Variants in TCF12 observed in about 807,000 individuals in gnomAD.
TCF12 encodes DNA-binding protein HTF4.
Under a neutral mutation model 86.0 loss-of-function variants are expected in TCF12, and 45 were observed. That is an observed-to-expected ratio of 0.52 (90% CI 0.41 to 0.67). The LOEUF (loss-of-function observed/expected upper bound fraction) is 0.67. Among genes scored for constraint, TCF12 ranks in the 30% least tolerant of loss-of-function variants. The pLI, the probability that TCF12 is intolerant of heterozygous loss-of-function variation, is 0.00. For missense variants in TCF12, 881 were observed against 859.9 expected, an observed-to-expected ratio of 1.02 and a Z score of -0.31; for synonymous variants, 330 against 299.6, an observed-to-expected ratio of 1.10 and a Z score of -1.05.
At chr15:57,175,352 T>C (rs2055834018) in intron 6 of TCF12, among the ~76,000 whole-genome samples, 1 of 152,112 alleles carries the variant, frequency 6.6e-6, no homozygotes, top group Non-Finnish European at 1.5e-5. Context: ...AGCGAGATCT[T>C]GTGTCTTAAA....
At chr15:57,118,211 T>C (rs2050975400) in intron 5 of TCF12, 1 of 152,218 alleles carries the variant, frequency 6.6e-6, no homozygotes, top group Admixed American at 6.5e-5. Context: ...GGCAGTGATA[T>C]ACAGCAAACG....
intron 6 of TCF12, among the ~76,000 whole-genome samples, chr15:57,180,990 A>C (rs1233589482): frequency 2.0e-5 from 3 of 150,996 alleles, no homozygotes; most frequent in Non-Finnish European, 4.4e-5. Flanking sequence ...AATTTTTTGT[A>C]TTTTTAGTGG....
chr15:56,961,592 T>C (rs957260934), intron 3 of TCF12, among the ~76,000 whole-genome samples: 1 of 152,220 alleles, frequency 6.6e-6, no homozygotes, highest in Non-Finnish European at 1.5e-5. Context: ...TTTTTGAGGC[T>C]TGTATTAGTA....
chr15:56,952,189 T>TAC (rs58480587), intron 3 of TCF12, among the ~76,000 whole-genome samples: 85,984 of 150,256 alleles, frequency 0.57, 28,306 homozygotes, highest in Non-Finnish European at 0.75. Context: ...TTTGTGTATA[T>TAC]ACACACACAC....
chr15:57,029,871 A>G (rs1358943419), intron 3 of TCF12, among the ~76,000 whole-genome samples: 2 of 152,212 alleles, frequency 1.3e-5, no homozygotes, highest in African/African-American at 4.8e-5. Flanking sequence ...CACTAAGCAT[A>G]ATTACATGTG....
At chr15:57,025,842 TG>T (rs1347663767) in intron 3 of TCF12, among the ~76,000 whole-genome samples, 1 of 152,222 alleles carries the variant, frequency 6.6e-6, no homozygotes, top group Non-Finnish European at 1.5e-5. Flanking sequence ...TAGATGGTAG[TG>T]GTTCCTTTGT....
chr15:57,180,659 AAC>A (rs1426033751), intron 6 of TCF12, among the ~76,000 whole-genome samples: 1 of 136,634 alleles, frequency 7.3e-6, no homozygotes, highest in Non-Finnish European at 1.7e-5. Flanking sequence ...GTAGAATAAT[AAC>A]ACAGCAGAGG....
intron 5 of TCF12, among the ~76,000 whole-genome samples, chr15:57,105,599 A>G (rs1306914656): frequency 6.6e-6 from 1 of 152,078 alleles, no homozygotes; most frequent in South Asian, 2.1e-4. Context: ...TTTAGTAGAT[A>G]CAGGGGTTCA....
chr15:56,966,441 A>G (rs1385564593), intron 3 of TCF12, among the ~76,000 whole-genome samples: 3 of 152,240 alleles, frequency 2.0e-5, no homozygotes, highest in African/African-American at 7.2e-5. Flanking sequence ...AAGATTAATA[A>G]GGTAGCTAAG....
At chr15:57,123,982 A>AAAAAAAAAAAAAAAAAT (rs1555511574) in intron 5 of TCF12, among the ~76,000 whole-genome samples, 2 of 111,264 alleles carry the variant, frequency 1.8e-5, no homozygotes, top group African/African-American at 3.0e-5. Context: ...AAAAAAAAAA[A>AAAAAAAAAAAAAAAAAT]TTTTTTTTTT....
At chr15:57,084,399 G>C (rs2048496711) in intron 4 of TCF12, among the ~76,000 whole-genome samples, 1 of 152,056 alleles carries the variant, frequency 6.6e-6, no homozygotes, top group African/African-American at 2.4e-5. Context: ...GAGTGCTAGT[G>C]GTACTACAAA....
chr15:57,129,168 G>C lies in TCF12; in HGVS notation c.326-37234G>C, dbSNP rs150249042. 1.9e-3 allele frequency among the ~76,000 whole-genome samples: 293 copies of C among 152,312 alleles called. 3 individuals carry two copies. Among genetic ancestry groups the C allele is most frequent in the African/African-American group, 2.3e-3 (95 of 41,574 alleles). On this transcript the variant is annotated intron_variant, in intron 5 of 20. Coordinates refer to ENST00000333725, the MANE Select transcript of TCF12 (RefSeq NM_207037.2). ...CCATCAGCAACTTATGAAGGTTCCA[G>C]TTTCTTCACATCTTTGCCAACATGC...
chr15:57,208,961 C>T (rs2057987491), intron 8 of TCF12, among the ~76,000 whole-genome samples: 1 of 152,182 alleles, frequency 6.6e-6, no homozygotes, highest in African/African-American at 2.4e-5. Flanking sequence ...AGTGATCCTC[C>T]CATCTTGGCC....
chr15:57,158,584 A>T (rs547873067), intron 5 of TCF12, among the ~76,000 whole-genome samples: 1 of 152,258 alleles, frequency 6.6e-6, no homozygotes, highest in Admixed American at 6.5e-5. Flanking sequence ...TGCCAGAATT[A>T]TTGATTGGGA....
intron 18 of TCF12, among the ~76,000 whole-genome samples, chr15:57,264,562 A>T (rs1180414601): frequency 6.6e-6 from 1 of 151,822 alleles, no homozygotes; most frequent in African/African-American, 2.4e-5. Flanking sequence ...TTACTTTTCA[A>T]ACTTTTTTGT....
At chr15:57,043,887 T>C (rs1308781341) in intron 3 of TCF12, among the ~76,000 whole-genome samples, 1 of 152,160 alleles carries the variant, frequency 6.6e-6, no homozygotes, top group Non-Finnish European at 1.5e-5. Context: ...TTATTAGTTT[T>C]CTAGTTCCCT....
intron 6 of TCF12, among the ~76,000 whole-genome samples, chr15:57,172,550 C>T (rs1224818778): frequency 6.6e-6 from 1 of 152,122 alleles, no homozygotes; most frequent in East Asian, 1.9e-4. Context: ...GTTCTCTGGA[C>T]ACAAAAGACT....
chr15:56,987,907 A>G (rs1280421762), intron 3 of TCF12, among the ~76,000 whole-genome samples: 1 of 152,240 alleles, frequency 6.6e-6, no homozygotes, highest in Non-Finnish European at 1.5e-5. Context: ...TTCAGAACAC[A>G]GTAAAGATGA....
At chr15:56,964,534 C>T (rs1393430195) in intron 3 of TCF12, among the ~76,000 whole-genome samples, 3 of 152,162 alleles carry the variant, frequency 2.0e-5, no homozygotes, top group African/African-American at 4.8e-5. Flanking sequence ...TTTCATTTTT[C>T]AGCCTCTCTA....
Sources: allele counts gnomAD v4.1 joint callset (sites outside exome capture counted in the v4.1 genomes callset), GRCh38; gene constraint gnomAD v4.1.1; transcripts MANE v1.5; gene names NCBI Gene and HGNC (gene_info 2026-07-23, HGNC 2026-07-21).